PRKAR1A: variants seen among roughly 807,000 people sequenced by gnomAD.
PRKAR1A encodes the protein protein kinase cAMP-dependent type I regulatory subunit alpha, also known as cAMP-dependent protein kinase type I-alpha regulatory subunit.
PRKAR1A carries 3 observed loss-of-function variants against 52.0 expected under a neutral mutation model. That is an observed-to-expected ratio of 0.06 (90% CI 0.03 to 0.15). The LOEUF is 0.15. PRKAR1A is among the 10% of genes least tolerant of loss of function. The pLI, the probability that PRKAR1A is intolerant of heterozygous loss-of-function variation, is 1.00. For synonymous variants in PRKAR1A, 188 were observed against 168.4 expected (o/e 1.12, Z -0.90); for missense variants, 240 against 477.4 (o/e 0.50, Z 4.63).
intron 11 of PRKAR1A, chr17:68,543,833 T>C (rs746161556): frequency 1.3e-5 from 12 of 930,832 alleles, no homozygotes; most frequent in Non-Finnish European, 1.9e-5. Flanking sequence ...ATGCTTTTCA[T>C]GTACACACAG....
the PRKAR1A span, among the ~76,000 whole-genome samples, chr17:68,467,801 A>G: frequency 6.6e-6 from 1 of 152,276 alleles, no homozygotes; most frequent in East Asian, 1.9e-4. Context: ...CTTTAGGTAC[A>G]CTGGGATATG....
intron 3 of PRKAR1A, 31 bp from the exon 4 acceptor site, chr17:68,523,694 A>T: frequency 6.4e-7 from 1 of 1,560,620 alleles, no homozygotes; most frequent in Non-Finnish European, 8.8e-7. Flanking sequence ...TGGTTTATGG[A>T]ATTGTCATTT....
chr17:68,539,804 G>A (rs912232350), intron 11 of PRKAR1A: 28 of 1,364,516 alleles, frequency 2.1e-5, no homozygotes, highest in Middle Eastern at 1.8e-4. Context: ...TTTGCAGGGC[G>A]TCTGTTTCCC....
the PRKAR1A span, chr17:68,428,714 C>T: frequency 1.3e-6 from 1 of 778,046 alleles, no homozygotes; most frequent in Non-Finnish European, 2.1e-6. Flanking sequence ...GCCACTGAGA[C>T]TGCCAGTGAA....
the PRKAR1A span, among the ~76,000 whole-genome samples, chr17:68,435,123 C>T: frequency 2.6e-5 from 4 of 151,462 alleles, no homozygotes; most frequent in Admixed American, 2.6e-4. Context: ...AGGAGAATCA[C>T]TTAAACCTGG....
chr17:68,433,684 G>A, the PRKAR1A span: 2 of 718,016 alleles, frequency 2.8e-6, no homozygotes, highest in Non-Finnish European at 4.6e-6. Flanking sequence ...GAAGAGCCTA[G>A]GTAGACCCAG....
the PRKAR1A span, among the ~76,000 whole-genome samples, chr17:68,489,207 T>C: frequency 9.9e-5 from 4 of 40,212 alleles, no homozygotes; most frequent in African/African-American, 4.1e-4. Flanking sequence ...TATATATATA[T>C]ATATATATAT....
At chr17:68,528,135 T>C (rs1479306030) in intron 8 of PRKAR1A, among the ~76,000 whole-genome samples, 1 of 152,232 alleles carries the variant, frequency 6.6e-6, no homozygotes, top group African/African-American at 2.4e-5. Context: ...CTTCCAACAA[T>C]ACATTTCCTC....
At chr17:68,443,621 C>T in the PRKAR1A span, among the ~76,000 whole-genome samples, 1 of 152,096 alleles carries the variant, frequency 6.6e-6, no homozygotes, top group African/African-American at 2.4e-5. Context: ...ATAAGGGAAC[C>T]AAGGTTCAAA....
the PRKAR1A span, chr17:68,436,478 A>C: frequency 6.2e-7 from 1 of 1,613,740 alleles, no homozygotes; most frequent in South Asian, 1.1e-5. Flanking sequence ...GAGCACATAG[A>C]CCTGGCAAAG....
At chr17:68,489,408 ATAT>A in the PRKAR1A span, among the ~76,000 whole-genome samples, 1 of 118,252 alleles carries the variant, frequency 8.5e-6, no homozygotes, top group Non-Finnish European at 1.7e-5. Flanking sequence ...GAAAGTATAT[ATAT>A]ATATATGGAA....
upstream of PRKAR1A, among the ~76,000 whole-genome samples, chr17:68,511,558 T>G (rs764954004): frequency 4.3e-4 from 65 of 152,196 alleles, no homozygotes; most frequent in Admixed American, 1.8e-3. Flanking sequence ...GGGGGGCACT[T>G]CAGGTTCTAG....
the PRKAR1A span, among the ~76,000 whole-genome samples, chr17:68,444,019 C>T: frequency 6.6e-6 from 1 of 152,258 alleles, no homozygotes; most frequent in Admixed American, 6.5e-5. Flanking sequence ...CCTAGCATAT[C>T]GTCGAAGTAG....
the PRKAR1A span, among the ~76,000 whole-genome samples, chr17:68,424,290 C>T: frequency 1.3e-5 from 2 of 152,192 alleles, no homozygotes; most frequent in African/African-American, 2.4e-5. Flanking sequence ...GCTCACGCTG[C>T]GACCGACCCG....
the PRKAR1A span, among the ~76,000 whole-genome samples, chr17:68,490,134 G>A: frequency 6.6e-6 from 1 of 152,206 alleles, no homozygotes; most frequent in African/African-American, 2.4e-5. Context: ...TGTCTGGTTT[G>A]GAAGCCAGCC....
chr17:68,444,187 A>G, the PRKAR1A span, among the ~76,000 whole-genome samples: 1 of 152,244 alleles, frequency 6.6e-6, no homozygotes, highest in Non-Finnish European at 1.5e-5. Context: ...ACACTTTTCA[A>G]CAGCAGATGC....
intron 11 of PRKAR1A, chr17:68,539,509 G>C (rs1297122220): frequency 1.1e-6 from 1 of 945,744 alleles, no homozygotes; most frequent in African/African-American, 1.6e-5. Context: ...AAAATGCCAG[G>C]GATCATGGCA....
chr17:68,466,976 T>A, the PRKAR1A span, among the ~76,000 whole-genome samples: 1 of 152,224 alleles, frequency 6.6e-6, no homozygotes, highest in Non-Finnish European at 1.5e-5. Flanking sequence ...TTTCTATGGA[T>A]TTATCTATTC....
chr17:68,522,551 TG>T (rs1359908629), intron 2 of PRKAR1A, among the ~76,000 whole-genome samples: 1 of 152,234 alleles, frequency 6.6e-6, no homozygotes, highest in Non-Finnish European at 1.5e-5. Context: ...GGATAGCATC[TG>T]TTATCATCTG....
Sources: allele counts gnomAD v4.1 joint callset (sites outside exome capture counted in the v4.1 genomes callset), GRCh38; gene constraint gnomAD v4.1.1; transcripts MANE v1.5; gene names NCBI Gene and HGNC (gene_info 2026-07-23, HGNC 2026-07-21).